AKAP13: variants seen among roughly 807,000 people sequenced by gnomAD.
AKAP13 encodes A-kinase anchoring protein 13.
A neutral mutation model predicts 264.5 loss-of-function variants in AKAP13; 80 were observed. The ratio of observed to expected loss-of-function variants is 0.30; its 90% CI spans 0.25 to 0.36. The LOEUF is 0.36. Among genes scored for constraint, AKAP13 ranks in the 10% least tolerant of loss-of-function variants. The pLI is 1.00. For synonymous variants in AKAP13, 1,380 were observed against 1,250.2 expected (o/e 1.10, Z -2.19); for missense variants, 3,712 against 3,435.2 (o/e 1.08, Z -2.01).
At chr15:85,461,456 C>G (rs2074510217) in intron 1 of AKAP13, among the ~76,000 whole-genome samples, 1 of 152,134 alleles carries the variant, frequency 6.6e-6, no homozygotes, top group Non-Finnish European at 1.5e-5. Context: ...TTGCACAGTG[C>G]TAACACAGTG....
chr15:85,404,943 C>T (rs2071595369), intron 1 of AKAP13, among the ~76,000 whole-genome samples: 2 of 152,164 alleles, frequency 1.3e-5, no homozygotes, highest in Non-Finnish European at 2.9e-5. Context: ...TCTTAGTACT[C>T]AGTAGGGCCT....
intron 1 of AKAP13, among the ~76,000 whole-genome samples, 172 bp downstream of exon 1, chr15:85,380,970 G>C (rs1437866172): frequency 2.6e-5 from 4 of 152,106 alleles, no homozygotes; most frequent in Non-Finnish European, 5.9e-5. Flanking sequence ...GGGCGGCGCC[G>C]GGACCTCAGG....
chr15:85,414,884 G>A (rs2072162023), intron 1 of AKAP13, among the ~76,000 whole-genome samples: 1 of 152,156 alleles, frequency 6.6e-6, no homozygotes, highest in Non-Finnish European at 1.5e-5. Context: ...TCTGGGAGGA[G>A]GGTTAGTATT....
In AKAP13 at chr15:85,723,314, T is replaced by C. The variant is rs115354047; in HGVS notation, c.6739T>C (p.Leu2247=). The change falls in exon 26 of 37, where the codon TTG becomes CTG. Residue 2247 remains leucine (L), a synonymous_variant. Transcript: ENST00000394518. ...SVFLKNAAGR[L]KEVQAVLLTD... is the part of the protein sequence containing the mutation. ...GTTTCTGAAGAATGCAGCAGGAAGG[T>C]TGAAAGGTAAGGCTTGGCTCTTTTG... is the stretch of plus-strand genomic sequence containing the variant. The C allele has an allele frequency of 8.7e-6, 14 of 1,613,886 alleles. No homozygotes were observed. The highest frequency in any genetic ancestry group is 1.3e-5 in the African/African-American group (1 of 74,998).
chr15:85,527,855 C>A (rs2077126845), intron 3 of AKAP13, among the ~76,000 whole-genome samples: 1 of 152,074 alleles, frequency 6.6e-6, no homozygotes, highest in Non-Finnish European at 1.5e-5. Context: ...AAAAAGACAC[C>A]AGATTTTTAG....
At chr15:85,666,137 C>T (rs373687414) in intron 13 of AKAP13, among the ~76,000 whole-genome samples, 4 of 152,172 alleles carry the variant, frequency 2.6e-5, no homozygotes, top group African/African-American at 7.2e-5. Flanking sequence ...TTCACAGTCC[C>T]GCCAACAGTG....
At position 85,649,426 on chromosome 15, in the gene AKAP13, A is replaced by C. The variant is rs1295706110; in HGVS notation, c.4374+3472A>C. Among the ~76,000 whole-genome samples, 5 of 152,366 alleles carry C rather than the reference A, an allele frequency of 3.3e-5. No individual in the cohort carries two copies. The South Asian group carries it at 1.0e-3, about 32-fold the overall frequency. Reference sequence around the variant, plus strand: ...AAAGTCTTCCTCAGTGGTCACCCCCAGAGTGTGCTATGCAAAATATCAGAA... The same window carrying C: ...AAAGTCTTCCTCAGTGGTCACCCCCCGAGTGTGCTATGCAAAATATCAGAA... On this transcript the variant is annotated intron_variant, in intron 10 of 36. Transcript: ENST00000394518.
intron 8 of AKAP13, among the ~76,000 whole-genome samples, chr15:85,613,756 T>A (rs2080815098): frequency 6.8e-6 from 1 of 146,290 alleles, no homozygotes; most frequent in East Asian, 2.0e-4. Flanking sequence ...CAGGGGAGGC[T>A]TTTAGTGATT....
At chr15:85,659,668 A>T (rs2083251160) in intron 12 of AKAP13, among the ~76,000 whole-genome samples, 1 of 152,226 alleles carries the variant, frequency 6.6e-6, no homozygotes, top group Non-Finnish European at 1.5e-5. Context: ...TATTAAAAAC[A>T]TGCACTTGAT....
At chr15:85,511,614 C>T (rs942057739) in intron 2 of AKAP13, among the ~76,000 whole-genome samples, 2 of 152,026 alleles carry the variant, frequency 1.3e-5, no homozygotes, top group Non-Finnish European at 2.9e-5. Flanking sequence ...AGTCACTTGT[C>T]ATATTTCATC....
In AKAP13 at chr15:85,619,897, A is replaced by G. The variant is rs148678437; in HGVS notation, c.4162-19477A>G. The G allele has an allele frequency of 1.8e-3, 2,642 of 1,428,940 alleles. 6 individuals carry two copies. Among genetic ancestry groups the G allele is most frequent in the Admixed American group, 2.6e-3 (90 of 35,060 alleles). The allele number at this position is 1,428,940 out of a possible 1,614,324, so 88.5% of individuals were successfully genotyped here. A position where few individuals can be genotyped will look rare whatever the true frequency, so the allele number is the denominator to read the frequency against. On this transcript the variant is annotated intron_variant, in intron 8 of 36. Coordinates refer to ENST00000394518, the MANE Select transcript of AKAP13 (RefSeq NM_007200.5). ...AGCAAGTTCTCAGTCAGTTCAAGGC[A>G]TTGGATTCTGCTTGATTTCTTTTTA...
intron 1 of AKAP13, among the ~76,000 whole-genome samples, chr15:85,446,524 TA>T (rs2073903431): frequency 6.6e-6 from 1 of 152,102 alleles, no homozygotes; most frequent in Non-Finnish European, 1.5e-5. Flanking sequence ...TTATGGAGCT[TA>T]GAAAAGACTT....
chr15:85,640,091 A>C (rs866636971), intron 9 of AKAP13, among the ~76,000 whole-genome samples: 5 of 152,262 alleles, frequency 3.3e-5, no homozygotes, highest in Middle Eastern at 3.4e-3. Context: ...CCCAACTTTT[A>C]AACCAGGTCC....
chr15:85,720,786 C>T (rs1479031657), intron 23 of AKAP13, among the ~76,000 whole-genome samples: 1 of 152,198 alleles, frequency 6.6e-6, no homozygotes, highest in Non-Finnish European at 1.5e-5. Context: ...TTTATTAGCA[C>T]ATTCACTCAT....
At chr15:85,613,524 G>A (rs1165003957) in intron 8 of AKAP13, among the ~76,000 whole-genome samples, 1 of 151,484 alleles carries the variant, frequency 6.6e-6, no homozygotes, top group African/African-American at 2.4e-5. Flanking sequence ...TACTAAAAAT[G>A]TAGAAAATTA....
At chr15:85,651,564 C>G (rs917335615) in intron 10 of AKAP13, 1 of 152,198 alleles carries the variant, frequency 6.6e-6, no homozygotes, top group Non-Finnish European at 1.5e-5. Flanking sequence ...CATCCTTGCA[C>G]AGAGGCCATG....
intron 1 of AKAP13, among the ~76,000 whole-genome samples, chr15:85,469,789 T>C (rs1238435664): frequency 6.6e-6 from 1 of 152,238 alleles, no homozygotes; most frequent in Non-Finnish European, 1.5e-5. Context: ...ATGAAAACTG[T>C]CAACTCCAGT....
intron 5 of AKAP13, among the ~76,000 whole-genome samples, chr15:85,561,421 T>A (rs1486819251): frequency 1.3e-5 from 2 of 152,182 alleles, no homozygotes; most frequent in East Asian, 3.9e-4. Flanking sequence ...GGTTAAAAGG[T>A]TACTTTAGTG....
intron 8 of AKAP13, among the ~76,000 whole-genome samples, chr15:85,590,574 C>CA (rs2079542836): frequency 6.6e-6 from 1 of 152,180 alleles, no homozygotes; most frequent in Non-Finnish European, 1.5e-5. Flanking sequence ...TCAGAGAAAA[C>CA]ACAGGTATGT....
Sources: allele counts gnomAD v4.1 joint callset (sites outside exome capture counted in the v4.1 genomes callset), GRCh38; gene constraint gnomAD v4.1.1; transcripts MANE v1.5; gene names NCBI Gene and HGNC (gene_info 2026-07-23, HGNC 2026-07-21).